Variants in TRHDE observed in about 807,000 individuals in gnomAD.
TRHDE encodes the protein thyrotropin-releasing hormone-degrading ectoenzyme.
TRHDE carries 72 observed loss-of-function variants against 125.7 expected under a neutral mutation model. The observed-to-expected ratio is 0.57, with a 90% CI of 0.47 to 0.70. The LOEUF is 0.70. Ranked by LOEUF, TRHDE falls within the 30% of genes least tolerant of loss-of-function variation. TRHDE has a pLI of 0.00. For missense variants in TRHDE, 1,110 were observed against 1,327.1 expected, an observed-to-expected ratio of 0.84 and a Z score of 2.54; for synonymous variants, 509 against 509.1, an observed-to-expected ratio of 1.00 and a Z score of 0.00.
intron 12 of TRHDE, among the ~76,000 whole-genome samples, chr12:72,613,300 G>C (rs931262357): frequency 3.3e-5 from 5 of 152,140 alleles, no homozygotes; most frequent in African/African-American, 1.2e-4. Flanking sequence ...CTGTTGTCTA[G>C]ATAGCAGTGG....
upstream of TRHDE, among the ~76,000 whole-genome samples, chr12:72,270,803 C>T (rs1055084506): frequency 1.3e-5 from 2 of 152,296 alleles, no homozygotes; most frequent in Middle Eastern, 3.4e-3. Context: ...GGATATCCCA[C>T]ATACTTATAC....
At chr12:72,105,943 A>G (rs1262259824) in intron 2 of TRHDE, among the ~76,000 whole-genome samples, 1 of 152,186 alleles carries the variant, frequency 6.6e-6, no homozygotes. Flanking sequence ...TCCTACATTC[A>G]TATGGCTGGA....
At position 72,167,940 on chromosome 12, in the gene TRHDE, A is replaced by G. The variant is rs559039913; in HGVS notation, n.279+62188A>G. On this transcript the variant is annotated intron_variant and non_coding_transcript_variant, in intron 2 of 4. Coordinates refer to the TRHDE transcript ENST00000548156. ...ATTTAACTGGAAGACGAAACTATCA[A>G]CTGGCTTTCTTAGGAAAAAGAGGCT... Among the ~76,000 whole-genome samples the G allele has an allele frequency of 3.3e-5, 5 of 152,306 alleles. No individual in the cohort carries two copies. In the East Asian group the frequency reaches 9.7e-4, roughly 29 times the overall value.
intron 2 of TRHDE, among the ~76,000 whole-genome samples, chr12:72,343,241 G>A (rs1179111878): frequency 1.3e-5 from 2 of 152,032 alleles, no homozygotes; most frequent in African/African-American, 4.8e-5. Flanking sequence ...GGGTATTGGT[G>A]CCAGGGAACA....
intron 2 of TRHDE, among the ~76,000 whole-genome samples, chr12:72,250,667 G>A (rs1412842197): frequency 6.6e-6 from 1 of 151,808 alleles, no homozygotes; most frequent in Non-Finnish European, 1.5e-5. Context: ...TGCTATCAGA[G>A]GCTTCTCAGT....
chr12:72,142,497 A>T (rs374799779), intron 2 of TRHDE, among the ~76,000 whole-genome samples: 7 of 152,170 alleles, frequency 4.6e-5, no homozygotes, highest in Admixed American at 6.5e-5. Flanking sequence ...GATCTTTTCC[A>T]CCCTAATAGT....
chr12:72,382,518 A>G (rs1031346264), intron 3 of TRHDE, among the ~76,000 whole-genome samples: 3 of 152,198 alleles, frequency 2.0e-5, no homozygotes, highest in African/African-American at 7.2e-5. Flanking sequence ...TTCTTACCTC[A>G]CAAATTATCC....
intron 2 of TRHDE, among the ~76,000 whole-genome samples, chr12:72,177,334 A>G (rs1877010711): frequency 6.6e-6 from 1 of 152,218 alleles, no homozygotes; most frequent in South Asian, 2.1e-4. Flanking sequence ...GATATTATAA[A>G]TACAGTTTGG....
intron 3 of TRHDE, among the ~76,000 whole-genome samples, chr12:72,433,017 G>T (rs182220639): frequency 4.6e-5 from 7 of 152,222 alleles, no homozygotes; most frequent in African/African-American, 1.4e-4. Context: ...TTATGAAAGG[G>T]TGCTAGATAT....
intron 1 of TRHDE, among the ~76,000 whole-genome samples, chr12:72,099,763 G>A (rs1366061467): frequency 6.6e-6 from 1 of 152,130 alleles, no homozygotes; most frequent in Non-Finnish European, 1.5e-5. Flanking sequence ...CATATTTTAA[G>A]ATAAGAATGG....
At chr12:72,644,035 A>G (rs1198127995) in intron 15 of TRHDE, among the ~76,000 whole-genome samples, 1 of 152,176 alleles carries the variant, frequency 6.6e-6, no homozygotes, top group Non-Finnish European at 1.5e-5. Context: ...GGTGTCAGCA[A>G]GATGGTAGAG....
At chr12:72,449,688 T>C (rs1254281085) in intron 3 of TRHDE, among the ~76,000 whole-genome samples, 2 of 151,942 alleles carry the variant, frequency 1.3e-5, no homozygotes, top group African/African-American at 2.4e-5. Context: ...ATTGCAAATA[T>C]GGACTCTGAA....
At chr12:72,450,270 A>G (rs926902499) in intron 3 of TRHDE, among the ~76,000 whole-genome samples, 2 of 152,018 alleles carry the variant, frequency 1.3e-5, no homozygotes, top group Non-Finnish European at 2.9e-5. Flanking sequence ...TTCTCCTCCC[A>G]TCTAAAGCAG....
intron 2 of TRHDE, among the ~76,000 whole-genome samples, chr12:72,356,553 A>AG (rs2135746114): frequency 6.6e-6 from 1 of 151,682 alleles, no homozygotes; most frequent in East Asian, 1.9e-4. Context: ...AAAAAAAAAA[A>AG]GAATCTTCTG....
intron 2 of TRHDE, among the ~76,000 whole-genome samples, chr12:72,241,272 A>G (rs1878478161): frequency 6.6e-6 from 1 of 152,110 alleles, no homozygotes; most frequent in Admixed American, 6.5e-5. Context: ...TGTCACCTCA[A>G]AACACATCAC....
chr12:72,657,128 C>CA (rs1874737924), intron 18 of TRHDE, 120 bp downstream of exon 18: 3 of 620,670 alleles, frequency 4.8e-6, no homozygotes, highest in Admixed American at 2.8e-5. Context: ...CACACGCACA[C>CA]CACACACACA....
chr12:72,319,790 A>T (rs912391471), intron 2 of TRHDE, among the ~76,000 whole-genome samples: 2 of 152,102 alleles, frequency 1.3e-5, no homozygotes, highest in Admixed American at 6.6e-5. Context: ...CTGGTTCTTT[A>T]TATTGCCCAA....
At chr12:72,285,214 G>C (rs7969488) in intron 1 of TRHDE, among the ~76,000 whole-genome samples, 8,642 of 152,124 alleles carry the variant, frequency 0.057, 719 homozygotes, top group African/African-American at 0.18. Context: ...TGTATTGATT[G>C]GTAGTAGTTG....
At chr12:72,616,407 G>C (rs139634532) in intron 12 of TRHDE, among the ~76,000 whole-genome samples, 92 of 152,064 alleles carry the variant, frequency 6.1e-4, no homozygotes, top group African/African-American at 2.2e-3. Flanking sequence ...AGCTTTTCTG[G>C]ACTATAATGG....
Sources: allele counts gnomAD v4.1 joint callset (sites outside exome capture counted in the v4.1 genomes callset), GRCh38; gene constraint gnomAD v4.1.1; transcripts MANE v1.5; gene names NCBI Gene and HGNC (gene_info 2026-07-23, HGNC 2026-07-21).